CNTN3: variants seen among roughly 807,000 people sequenced by gnomAD.
CNTN3 encodes contactin-3.
Under a neutral mutation model 119.1 loss-of-function variants are expected in CNTN3, and 60 were observed. The observed-to-expected ratio is 0.50, with a 90% confidence interval of 0.41 to 0.62. The LOEUF (loss-of-function observed/expected upper bound fraction) is 0.62. CNTN3 is among the 20% of genes least tolerant of loss of function. CNTN3 has a pLI of 0.00. For synonymous variants in CNTN3, 450 were observed against 438.7 expected, an observed-to-expected ratio of 1.03 and a Z score of -0.32; for missense variants, 1,101 against 1,242.4, an observed-to-expected ratio of 0.89 and a Z score of 1.71.
Position 74,311,973 on chromosome 3 carries a change from G to A in CNTN3, c.1669-9166C>T, listed in dbSNP as rs536928482. 4.1e-4 allele frequency among the ~76,000 whole-genome samples: 53 copies of A among 129,262 alleles called. No individual in the cohort carries two copies. In the South Asian group the frequency reaches 5.0e-3, roughly 12 times the overall value. The allele number at this position is 129,262 out of a possible 152,430, so 84.8% of individuals were successfully genotyped here. On this transcript the variant is annotated intron_variant, in intron 13 of 22. Transcript: ENST00000263665. ...CTGGAAGTTCAGTGTGGACAATTCCGTGAGTTAAAAACTCCACGAAGAGCC... is the reference window on the plus strand; with the variant it reads ...CTGGAAGTTCAGTGTGGACAATTCCATGAGTTAAAAACTCCACGAAGAGCC...
At chr3:74,479,619 T>C (rs1003954938) in intron 4 of CNTN3, among the ~76,000 whole-genome samples, 1 of 151,956 alleles carries the variant, frequency 6.6e-6, no homozygotes, top group Non-Finnish European at 1.5e-5. Context: ...TTTTAGGACA[T>C]GGAGGACATG....
chr3:74,324,757 AAAG>A (rs1356483497), intron 13 of CNTN3, among the ~76,000 whole-genome samples: 10 of 152,318 alleles, frequency 6.6e-5, no homozygotes, highest in African/African-American at 2.2e-4. Context: ...ATTCTTAGCC[AAAG>A]AAGAAGGTAG....
At chr3:74,499,591 A>G in intron 3 of CNTN3, 68 bp downstream of exon 3, 6 of 1,480,346 alleles carry the variant, frequency 4.1e-6, no homozygotes, top group East Asian at 2.3e-5. Context: ...GAAGCAAAAA[A>G]AAATTCACAA....
intron 1 of CNTN3, among the ~76,000 whole-genome samples, chr3:74,582,174 A>G (rs939564928): frequency 1.3e-5 from 2 of 152,180 alleles, no homozygotes; most frequent in African/African-American, 4.8e-5. Flanking sequence ...TGGGAGGCAG[A>G]GGTGGATGGA....
chr3:74,366,607 T>C (rs1013077837), intron 8 of CNTN3, among the ~76,000 whole-genome samples: 1 of 151,810 alleles, frequency 6.6e-6, no homozygotes, highest in African/African-American at 2.4e-5. Flanking sequence ...ACAGTTTATC[T>C]ATTTCTATTT....
At chr3:74,507,640 T>C (rs1575793201) in intron 2 of CNTN3, among the ~76,000 whole-genome samples, 1 of 147,532 alleles carries the variant, frequency 6.8e-6, no homozygotes, top group African/African-American at 2.5e-5. Context: ...TTTTTTTTTT[T>C]TTTTTTTTTA....
intron 5 of CNTN3, among the ~76,000 whole-genome samples, chr3:74,400,535 G>A (rs1018800971): frequency 1.3e-5 from 2 of 152,108 alleles, no homozygotes; most frequent in Non-Finnish European, 2.9e-5. Flanking sequence ...AGTTTTATAC[G>A]AACGTGCACT....
At chr3:74,392,826 T>C (rs912313891) in intron 5 of CNTN3, among the ~76,000 whole-genome samples, 1 of 152,124 alleles carries the variant, frequency 6.6e-6, no homozygotes, top group African/African-American at 2.4e-5. Context: ...TTTTTGAATT[T>C]AGGTTTAACA....
chr3:74,361,835 T>A, intron 11 of CNTN3, 55 bp downstream of exon 11: 1 of 1,525,086 alleles, frequency 6.6e-7, no homozygotes, highest in Non-Finnish European at 8.9e-7. Flanking sequence ...TATGTTGACA[T>A]CAGTATGGAA....
intron 11 of CNTN3, among the ~76,000 whole-genome samples, chr3:74,358,655 A>G (rs2106765186): frequency 6.7e-6 from 1 of 148,816 alleles, no homozygotes; most frequent in Admixed American, 6.8e-5. Context: ...ACATGTGCAC[A>G]TTGTGCAAGT....
intron 1 of CNTN3, among the ~76,000 whole-genome samples, chr3:74,571,243 T>C (rs140274753): frequency 6.6e-6 from 1 of 152,290 alleles, no homozygotes; most frequent in Non-Finnish European, 1.5e-5. Context: ...GTACTGCAGA[T>C]AGTGTTCTAG....
intron 5 of CNTN3, among the ~76,000 whole-genome samples, chr3:74,420,602 A>G (rs2106889060): frequency 6.6e-6 from 1 of 152,354 alleles, no homozygotes; most frequent in Non-Finnish European, 1.5e-5. Context: ...CTGGAAAATT[A>G]AAACAAAACC....
At chr3:74,439,249 G>A (rs1001668105) in intron 4 of CNTN3, among the ~76,000 whole-genome samples, 14 of 152,196 alleles carry the variant, frequency 9.2e-5, no homozygotes, top group African/African-American at 3.4e-4. Context: ...GCTCATGCCT[G>A]TAGTCCTAGC....
intron 2 of CNTN3, among the ~76,000 whole-genome samples, chr3:74,511,976 T>C (rs1470140165): frequency 6.6e-6 from 1 of 152,152 alleles, no homozygotes; most frequent in Admixed American, 6.5e-5. Flanking sequence ...TTTTTTCCCA[T>C]TAATATTCCA....
intron 14 of CNTN3, 61 bp downstream of exon 14, chr3:74,302,629 T>G: frequency 1.0e-6 from 1 of 983,712 alleles, no homozygotes; most frequent in South Asian, 1.4e-5. Flanking sequence ...TGGTTTTTCC[T>G]CCAGTAAGGA....
intron 2 of CNTN3, among the ~76,000 whole-genome samples, chr3:74,514,451 C>G (rs1341831292): frequency 6.6e-6 from 1 of 152,034 alleles, no homozygotes; most frequent in African/African-American, 2.4e-5. Context: ...AACTGGCAAC[C>G]ATTACACAAT....
intron 1 of CNTN3, among the ~76,000 whole-genome samples, chr3:74,601,800 T>C (rs73839609): frequency 0.017 from 2,572 of 152,240 alleles, 73 homozygotes; most frequent in African/African-American, 0.058. Context: ...AATATTCCAG[T>C]AGCAATACAA....
intron 4 of CNTN3, among the ~76,000 whole-genome samples, chr3:74,475,345 A>C (rs963955681): frequency 6.6e-6 from 1 of 152,230 alleles, no homozygotes; most frequent in Non-Finnish European, 1.5e-5. Flanking sequence ...AAGCAGACTT[A>C]TAAATTCTAC....
At chr3:74,424,762 A>G in intron 5 of CNTN3, 83 bp downstream of exon 5, 1 of 1,105,698 alleles carries the variant, frequency 9.0e-7, no homozygotes, top group South Asian at 1.3e-5. Context: ...AGAGTAATTT[A>G]CAGATGCAAT....
Sources: allele counts gnomAD v4.1 joint callset (sites outside exome capture counted in the v4.1 genomes callset), GRCh38; gene constraint gnomAD v4.1.1; transcripts MANE v1.5; gene names NCBI Gene and HGNC (gene_info 2026-07-23, HGNC 2026-07-21).